The following ZNG1A variants were observed in gnomAD, a reference collection of about 807,000 sequenced individuals.
The protein encoded by ZNG1A is Zn regulated GTPase metalloprotein activator 1A.
chr9:148,230 G>A, the ZNG1A span: 38 of 101,020 alleles, frequency 3.8e-4, no homozygotes, highest in African/African-American at 6.4e-4. Context: ...CTGTTTCACT[G>A]TGACAGTGTC....
the ZNG1A span, among the ~76,000 whole-genome samples, chr9:132,317 C>A: frequency 4.8e-5 from 7 of 146,306 alleles, no homozygotes; most frequent in Admixed American, 4.7e-4. Context: ...GAGTTTGAGA[C>A]CAGCTTGGCC....
the ZNG1A span, among the ~76,000 whole-genome samples, chr9:178,129 A>G: frequency 6.6e-6 from 1 of 151,208 alleles, no homozygotes; most frequent in Non-Finnish European, 1.5e-5. Flanking sequence ...TTTTCCAGTA[A>G]GAAACTTCTA....
the ZNG1A span, chr9:154,755 C>G: frequency 1.3e-6 from 2 of 1,597,826 alleles, no homozygotes; most frequent in Middle Eastern, 1.7e-4. Context: ...GGAACCAGGT[C>G]TGTTTTATTA....
chr9:140,417 C>A, the ZNG1A span, among the ~76,000 whole-genome samples: 1 of 151,228 alleles, frequency 6.6e-6, no homozygotes, highest in South Asian at 2.1e-4. Flanking sequence ...ACACCTCACA[C>A]GGCCGGGTAC....
chr9:176,755 G>A, the ZNG1A span, among the ~76,000 whole-genome samples: 3 of 151,806 alleles, frequency 2.0e-5, no homozygotes, highest in East Asian at 5.8e-4. Context: ...GTGTTTCACA[G>A]GGCAGTGATG....
the ZNG1A span, among the ~76,000 whole-genome samples, chr9:128,562 T>C: frequency 2.7e-5 from 4 of 146,756 alleles, no homozygotes; most frequent in African/African-American, 5.2e-5. Context: ...ATCTAGTTCA[T>C]TGAATATTTC....
At chr9:139,585 C>G in the ZNG1A span, among the ~76,000 whole-genome samples, 1 of 152,058 alleles carries the variant, frequency 6.6e-6, no homozygotes. Flanking sequence ...TTCTTCCCTC[C>G]CTTACCAAAA....
the ZNG1A span, among the ~76,000 whole-genome samples, chr9:126,992 G>T: frequency 6.6e-6 from 1 of 152,066 alleles, no homozygotes. Flanking sequence ...TGGTTTTGAA[G>T]GTTCCTTTTG....
the ZNG1A span, chr9:154,552 A>G: frequency 1.6e-6 from 1 of 615,372 alleles, no homozygotes; most frequent in Non-Finnish European, 2.8e-6. Flanking sequence ...TACCATTTAT[A>G]TAACAATTAG....
chr9:138,396 C>CTTTT, the ZNG1A span, among the ~76,000 whole-genome samples: 1 of 90,538 alleles, frequency 1.1e-5, no homozygotes, highest in Non-Finnish European at 2.2e-5. Context: ...TTCTTTCTTT[C>CTTTT]TTTTTTTTTT....
chr9:144,351 T>C, the ZNG1A span, among the ~76,000 whole-genome samples: 17 of 147,164 alleles, frequency 1.2e-4, no homozygotes, highest in South Asian at 2.9e-3. Flanking sequence ...AACAGAGATA[T>C]AGATCCATGG....
the ZNG1A span, among the ~76,000 whole-genome samples, chr9:145,367 C>A: frequency 6.7e-6 from 1 of 150,280 alleles, no homozygotes; most frequent in Non-Finnish European, 1.5e-5. Context: ...ACTATGCAGC[C>A]ATAAAAAAGG....
chr9:140,934 G>T, the ZNG1A span, among the ~76,000 whole-genome samples: 1 of 141,972 alleles, frequency 7.0e-6, no homozygotes, highest in African/African-American at 2.7e-5. Context: ...TGGAAGAAAG[G>T]GTATCAGCGA....
At chr9:156,640 T>G in the ZNG1A span, 3 of 1,237,040 alleles carry the variant, frequency 2.4e-6, no homozygotes, top group South Asian at 1.3e-5. Flanking sequence ...AACTTCAACA[T>G]GTTCTCTTAC....
chr9:163,069 C>A, the ZNG1A span, among the ~76,000 whole-genome samples: 2 of 150,352 alleles, frequency 1.3e-5, no homozygotes, highest in South Asian at 2.1e-4. Flanking sequence ...AGGAATTCAA[C>A]CAGTTACCCG....
chr9:150,118 T>A, the ZNG1A span: 1 of 66,618 alleles, frequency 1.5e-5, no homozygotes, highest in African/African-American at 4.7e-5. Context: ...AATCTCCGGT[T>A]TTGTTTTTTT....
the ZNG1A span, among the ~76,000 whole-genome samples, chr9:141,522 A>T: frequency 4.7e-5 from 7 of 149,012 alleles, 1 homozygote; most frequent in African/African-American, 1.7e-4. Flanking sequence ...GGCCTGCCCT[A>T]CAAGAGCTCC....
chr9:145,463 C>G, the ZNG1A span, among the ~76,000 whole-genome samples: 1 of 148,360 alleles, frequency 6.7e-6, no homozygotes, highest in Admixed American at 6.8e-5. Context: ...AAACCAAACA[C>G]CGCATATTCT....
the ZNG1A span, among the ~76,000 whole-genome samples, chr9:161,194 C>A: frequency 1.3e-5 from 2 of 152,160 alleles, no homozygotes; most frequent in African/African-American, 4.8e-5. Flanking sequence ...TCAGGCCGGG[C>A]GTGGTGGCTC....
Sources: gnomAD v4.1 joint callset for allele counts (sites outside exome capture counted in the v4.1 genomes callset) on GRCh38, gnomAD v4.1.1 for gene constraint, MANE v1.5 for transcripts, NCBI Gene and HGNC (gene_info 2026-07-23, HGNC 2026-07-21) for gene names.